TNN: variants seen among roughly 807,000 people sequenced by gnomAD.
The protein encoded by TNN is tenascin-N.
In TNN, 122 loss-of-function variants were observed where a neutral mutation model predicts 134.4. The observed-to-expected ratio is 0.91, with a 90% confidence interval of 0.78 to 1.06. The LOEUF is 1.06. Ranked by LOEUF, TNN falls within the 50% of genes least tolerant of loss-of-function variation. The probability of loss-of-function intolerance (pLI) is 0.00; values close to 1 mark genes in which losing one functional copy is unlikely to be tolerated. For missense variants in TNN, 1,739 were observed against 1,699.4 expected, an observed-to-expected ratio of 1.02 and a Z score of -0.41; for synonymous variants, 710 against 670.3, an observed-to-expected ratio of 1.06 and a Z score of -0.91.
At position 175,118,766 on chromosome 1, in the gene TNN, C is replaced by T. The variant is rs146991878; in HGVS notation, c.2592C>T (p.His864=). 119 of 1,614,170 alleles carry T rather than the reference C, an allele frequency of 7.4e-5. 1 individual carries two copies. Among genetic ancestry groups the T allele is most frequent in the African/African-American group, 2.0e-4 (15 of 75,038 alleles). Residue 864 remains histidine (H), a synonymous_variant, in exon 11 of 19, where the codon CAC becomes CAT. Coordinates refer to ENST00000239462, the MANE Select transcript of TNN (RefSeq NM_022093.2). ...GGCCGGGCATGGAGTACACGGTGCACGTGTGGGCCCAGAAGGGGAACCAGG... is the reference window on the plus strand; with the variant it reads ...GGCCGGGCATGGAGTACACGGTGCATGTGTGGGCCCAGAAGGGGAACCAGG... ...GLRPGMEYTV[H]VWAQKGNQES... is the part of the protein sequence containing the mutation.
chr1:175,116,986 A>G lies in TNN; in HGVS notation c.2167A>G (p.Met723Val). 1.2e-6 allele frequency: 2 copies of G among 1,614,184 alleles called. No individual in the cohort carries two copies. The highest frequency in any genetic ancestry group is 8.5e-7 in the Non-Finnish European group (1 of 1,180,040). The change falls in exon 10 of 19, where the codon ATG becomes GTG. Residue 723 changes from methionine (M) to valine (V), a missense_variant. Coordinates refer to ENST00000239462, the MANE Select transcript of TNN (RefSeq NM_022093.2). ...NLVTDRVTEN[M>V]ATVSWDPVRA... The stretch of plus-strand genomic sequence containing the variant: ...GGTGACCGACCGGGTGACAGAGAAT[A>G]TGGCCACTGTCTCCTGGGACCCGGT...
intron 9 of TNN, among the ~76,000 whole-genome samples, chr1:175,105,558 C>T (rs1674828509): frequency 6.9e-6 from 1 of 145,454 alleles, no homozygotes; most frequent in Non-Finnish European, 1.5e-5. Flanking sequence ...AAAGCTTGGA[C>T]ATAAGGTATT....
intron 1 of TNN, among the ~76,000 whole-genome samples, chr1:175,074,758 C>T (rs1673999457): frequency 1.3e-5 from 2 of 152,228 alleles, no homozygotes; most frequent in Non-Finnish European, 2.9e-5. Flanking sequence ...GCTTAATTCA[C>T]AGTGGTGTCA....
At chr1:175,089,106 A>G (rs1257123795) in intron 6 of TNN, among the ~76,000 whole-genome samples, 1 of 152,244 alleles carries the variant, frequency 6.6e-6, no homozygotes, top group African/African-American at 2.4e-5. Flanking sequence ...AAAAAGAAAA[A>G]GACACTGTAA....
intron 15 of TNN, among the ~76,000 whole-genome samples, chr1:175,135,350 T>A (rs1300590315): frequency 2.0e-5 from 3 of 152,242 alleles, no homozygotes; most frequent in Non-Finnish European, 4.4e-5. Flanking sequence ...TAAATATTTG[T>A]TGTGTGAACT....
At chr1:175,096,323 G>T (rs190753724) in intron 7 of TNN, among the ~76,000 whole-genome samples, 8 of 152,290 alleles carry the variant, frequency 5.3e-5, no homozygotes, top group South Asian at 4.1e-4. Flanking sequence ...TTAATGGAGG[G>T]CCGGTCTGTG....
At chr1:175,094,298 A>T in intron 7 of TNN, 45 bp downstream of exon 7, 1 of 1,470,320 alleles carries the variant, frequency 6.8e-7, no homozygotes, top group Non-Finnish European at 9.1e-7. Flanking sequence ...CATGGCAGGG[A>T]GAAGGTTGAT....
chr1:175,116,066 T>C (rs1000201649), intron 9 of TNN, among the ~76,000 whole-genome samples: 9 of 152,132 alleles, frequency 5.9e-5, no homozygotes, highest in African/African-American at 2.2e-4. Context: ...TAAATGTCGT[T>C]GTTTATTCTT....
chr1:175,130,853 A>C (rs1459746675), intron 15 of TNN, among the ~76,000 whole-genome samples: 1 of 152,162 alleles, frequency 6.6e-6, no homozygotes, highest in Non-Finnish European at 1.5e-5. Context: ...CAAAAATAAT[A>C]AAACCACTGT....
chr1:175,096,944 G>T (rs2149432575), intron 7 of TNN, among the ~76,000 whole-genome samples: 1 of 152,206 alleles, frequency 6.6e-6, no homozygotes, highest in South Asian at 2.1e-4. Flanking sequence ...AAAGTCTCCT[G>T]GTTCCCTGGC....
chr1:175,081,495 G>A (rs963802175), intron 4 of TNN, among the ~76,000 whole-genome samples: 1 of 152,154 alleles, frequency 6.6e-6, no homozygotes, highest in Non-Finnish European at 1.5e-5. Flanking sequence ...ACAGATGGAT[G>A]GAACTTTGGC....
intron 18 of TNN, among the ~76,000 whole-genome samples, chr1:175,145,574 A>AAAAAAAAAAAAAC (rs1385470090): frequency 6.7e-6 from 1 of 149,484 alleles, no homozygotes; most frequent in Non-Finnish European, 1.5e-5. Flanking sequence ...AAAAAAAAAA[A>AAAAAAAAAAAAAC]AGCTGTCTCA....
chr1:175,111,099 C>T (rs1007564843), intron 9 of TNN, among the ~76,000 whole-genome samples: 1 of 151,894 alleles, frequency 6.6e-6, no homozygotes, highest in Non-Finnish European at 1.5e-5. Flanking sequence ...AGGTGGATCA[C>T]CTGAGGACAG....
chr1:175,119,958 T>C (rs4466606), intron 11 of TNN, among the ~76,000 whole-genome samples: 30,425 of 152,214 alleles, frequency 0.2, 3,162 homozygotes, highest in Non-Finnish European at 0.23. Flanking sequence ...CTTAAAACTC[T>C]TTCCAAAGCC....
intron 15 of TNN, among the ~76,000 whole-genome samples, chr1:175,134,511 C>T (rs1675749480): frequency 6.6e-6 from 1 of 151,074 alleles, no homozygotes; most frequent in South Asian, 2.1e-4. Context: ...CACCACTGCA[C>T]TCCAGCCTGG....
At chr1:175,111,380 G>T (rs1675019329) in intron 9 of TNN, among the ~76,000 whole-genome samples, 1 of 151,000 alleles carries the variant, frequency 6.6e-6, no homozygotes, top group African/African-American at 2.4e-5. Flanking sequence ...CCAGCTACTG[G>T]GGAGGCTGAG....
intron 17 of TNN, among the ~76,000 whole-genome samples, chr1:175,140,515 G>A (rs1675920652): frequency 6.6e-6 from 1 of 152,198 alleles, no homozygotes. Context: ...TGAAGCCTGT[G>A]TTAAAGTGAT....
At chr1:175,081,720 T>G (rs1674201332) in intron 4 of TNN, among the ~76,000 whole-genome samples, 1 of 152,168 alleles carries the variant, frequency 6.6e-6, no homozygotes, top group African/African-American at 2.4e-5. Context: ...TGTTCTAGCA[T>G]GGGTGACTGC....
At position 175,143,233 on chromosome 1, in the gene TNN, T is replaced by C. The variant is rs529418423; in HGVS notation, c.3596-1154T>C. On this transcript the variant is annotated intron_variant, in intron 17 of 18. Transcript: ENST00000239462. ...TCACAGGGTTGCTGTGAGAGTGAGA[T>C]GAGAATGCACATGCGAAGAAGATCG... is the stretch of plus-strand genomic sequence containing the variant. Among the ~76,000 whole-genome samples, 3 of 152,232 alleles carry C rather than the reference T, an allele frequency of 2.0e-5. No homozygotes were observed. The East Asian group carries it at 5.8e-4, about 29-fold the overall frequency.
Sources: gnomAD v4.1 joint callset for allele counts (sites outside exome capture counted in the v4.1 genomes callset) on GRCh38, gnomAD v4.1.1 for gene constraint, MANE v1.5 for transcripts, NCBI Gene and HGNC (gene_info 2026-07-23, HGNC 2026-07-21) for gene names.